NUP153: variants seen among roughly 807,000 people sequenced by gnomAD.
The protein encoded by NUP153 is nucleoporin 153, also known as nuclear pore complex protein Nup153.
A neutral mutation model predicts 134.6 loss-of-function variants in NUP153; 27 were observed. That is an observed-to-expected ratio of 0.20 (90% CI 0.15 to 0.28). The LOEUF is 0.28. NUP153 is among the 10% of genes least tolerant of loss of function. The probability of loss-of-function intolerance (pLI) is 1.00; values close to 1 mark genes in which losing one functional copy is unlikely to be tolerated. For missense variants in NUP153, 1,821 were observed against 1,731.3 expected (o/e 1.05, Z -0.92); for synonymous variants, 640 against 623.5 (o/e 1.03, Z -0.40).
intron 2 of NUP153, among the ~76,000 whole-genome samples, chr6:17,676,049 C>A (rs1405975115): frequency 2.0e-5 from 3 of 152,034 alleles, no homozygotes; most frequent in Non-Finnish European, 4.4e-5. Flanking sequence ...TTGATTAAAC[C>A]CATTCACTTT....
At position 17,689,425 on chromosome 6, in the gene NUP153, AC is replaced by A. The variant is rs533152071; in HGVS notation, c.112-808del. ...AAAACAAATAAACAAACAAAAAAAA[AC>A]AATCCAACAAAAATAAACTCAAGAA... On this transcript the variant is annotated intron_variant, in intron 1 of 21. Coordinates refer to ENST00000262077, the MANE Select transcript of NUP153 (RefSeq NM_005124.4). Among the ~76,000 whole-genome samples, 77 of 151,972 alleles carry A rather than the reference AC, an allele frequency of 5.1e-4. No homozygotes were observed. The South Asian group carries it at 9.4e-3, about 18-fold the overall frequency.
At chr6:17,687,664 C>A (rs1769016184) in intron 2 of NUP153, among the ~76,000 whole-genome samples, 1 of 151,972 alleles carries the variant, frequency 6.6e-6, no homozygotes, top group Admixed American at 6.6e-5. Flanking sequence ...GGCATACAAC[C>A]AAATCAATTA....
chr6:17,638,532 G>C lies in NUP153; in HGVS notation c.1847-762C>G, dbSNP rs998948977. The stretch of plus-strand genomic sequence containing the variant: ...CTTAAGGACAAAATACCACATGCTT[G>C]AGTTATTCCCAGTGGGCAACGTGTT... On this transcript the variant is annotated intron_variant, in intron 15 of 21. Coordinates refer to ENST00000262077, the MANE Select transcript of NUP153 (RefSeq NM_005124.4). This position sits in a 1 kb window ranked among gnomAD's most constrained non-coding sequence, Gnocchi z 4.0. Among the ~76,000 whole-genome samples, 2 of 152,204 alleles carry C rather than the reference G, an allele frequency of 1.3e-5. No individual in the cohort carries two copies. Among genetic ancestry groups the C allele is most frequent in the African/African-American group, 2.4e-5 (1 of 41,460 alleles).
chr6:17,628,936 T>G lies in NUP153; in HGVS notation c.3263A>C (p.Glu1088Ala). Reference sequence around the variant, plus strand: ...TGAGGCAGATGGCAGAGAGGCAGGCTCCACGTTGCCAAAAGAGAATCCTCC... The same window carrying G: ...TGAGGCAGATGGCAGAGAGGCAGGCGCCACGTTGCCAAAAGAGAATCCTCC... ...TKGGFSFGNV[E>A]PASLPSASVF... Residue 1088 changes from glutamate to alanine, a missense_variant, in exon 18 of 22, where the codon GAG becomes GCG. Physicochemically the swap from Glu to Ala is moderately radical, Grantham distance 107. Transcript: ENST00000262077. The surrounding 1 kb of genome is among the most constrained non-coding windows in gnomAD (Gnocchi z 5.4). The G allele has an allele frequency of 1.9e-6, 3 of 1,614,196 alleles. No individual in the cohort carries two copies. The highest frequency in any genetic ancestry group is 1.6e-4 in the Middle Eastern group (1 of 6,062).
intron 8 of NUP153, 116 bp from the exon 9 acceptor site, chr6:17,665,501 T>G (rs1237247906): frequency 1.4e-6 from 1 of 727,364 alleles, no homozygotes; most frequent in Non-Finnish European, 2.2e-6. Flanking sequence ...CAGAGAAATA[T>G]ACAGTAGATA....
Position 17,706,671 on chromosome 6 carries a change from T to C in NUP153, c.-284A>G. ...GCCTCTGTGTGTGTCACGGTCTCTA[T>C]GGAGATCTCCCGCAGAGGACAGCAC... On this transcript the variant is annotated 5_prime_UTR_variant, in exon 1 of 22. Coordinates refer to ENST00000262077, the MANE Select transcript of NUP153 (RefSeq NM_005124.4). The surrounding 1 kb of genome is among the most constrained non-coding windows in gnomAD (Gnocchi z 5.9). 4.0e-6 allele frequency: 2 copies of C among 500,314 alleles called. No individual in the cohort carries two copies. Among genetic ancestry groups the C allele is most frequent in the South Asian group, 2.2e-5 (1 of 45,512 alleles). 31.0% of individuals were successfully genotyped at this position (500,314 alleles called of 1,614,324 possible). A position where few individuals can be genotyped will look rare whatever the true frequency, so the allele number is the denominator to read the frequency against.
intron 1 of NUP153, among the ~76,000 whole-genome samples, chr6:17,705,936 G>A (rs1210681662): frequency 6.6e-6 from 1 of 152,130 alleles, no homozygotes; most frequent in Non-Finnish European, 1.5e-5. Flanking sequence ...GAGAACATGA[G>A]TAATACCCTC....
At chr6:17,700,385 G>A (rs1398469079) in intron 1 of NUP153, among the ~76,000 whole-genome samples, 2 of 152,162 alleles carry the variant, frequency 1.3e-5, no homozygotes, top group African/African-American at 4.8e-5. Flanking sequence ...AGTCCAGGCA[G>A]AACAGGGATC....
chr6:17,654,588 G>C (rs528655968), intron 11 of NUP153, among the ~76,000 whole-genome samples: 1 of 152,182 alleles, frequency 6.6e-6, no homozygotes, highest in South Asian at 2.1e-4. Context: ...CGAAAGTGCT[G>C]CGATTACAGG....
Position 17,632,787 on chromosome 6 carries a change from C to T in NUP153, c.2522G>A (p.Gly841Asp). 1 of 1,611,842 alleles carries T rather than the reference C, an allele frequency of 6.2e-7. No homozygotes were observed. The highest frequency in any genetic ancestry group is 8.5e-7 in the Non-Finnish European group (1 of 1,179,666). The change falls in exon 17 of 22, where the codon GGC becomes GAC. Residue 841 changes from glycine to aspartate, a missense_variant. Coordinates refer to ENST00000262077, the MANE Select transcript of NUP153 (RefSeq NM_005124.4). ...CTTGAACTTTTCCAATCCTAGAGAG[C>T]CTCCAGAAGGCAGAGAGACAGGTAC... ...STVPVSLPSGGSLGLEKFKKP... is the reference protein window; with the variant it reads ...STVPVSLPSGDSLGLEKFKKP...
intron 1 of NUP153, among the ~76,000 whole-genome samples, chr6:17,692,137 T>C (rs1769317525): frequency 6.6e-6 from 1 of 152,186 alleles, no homozygotes; most frequent in Non-Finnish European, 1.5e-5. Flanking sequence ...TGTGGCAACA[T>C]TAGGTATCTT....
At chr6:17,663,258 CACATAT>C (rs1005759201) in intron 9 of NUP153, among the ~76,000 whole-genome samples, 19 of 129,648 alleles carry the variant, frequency 1.5e-4, no homozygotes, top group Middle Eastern at 7.5e-3. Flanking sequence ...CACACACACA[CACATAT>C]ATATATATAT....
At chr6:17,682,819 G>A (rs1481081914) in intron 2 of NUP153, among the ~76,000 whole-genome samples, 3 of 151,794 alleles carry the variant, frequency 2.0e-5, no homozygotes, top group Non-Finnish European at 2.9e-5. Flanking sequence ...TCGGGAGACC[G>A]AGGCAGGAGA....
chr6:17,681,057 A>G (rs1045087654), intron 2 of NUP153, among the ~76,000 whole-genome samples: 1 of 151,590 alleles, frequency 6.6e-6, no homozygotes, highest in Non-Finnish European at 1.5e-5. Context: ...AAACTGTGCT[A>G]CATATACACA....
chr6:17,639,765 T>C (rs1488004606), intron 15 of NUP153, among the ~76,000 whole-genome samples, 174 bp downstream of exon 15: 6 of 152,250 alleles, frequency 3.9e-5, no homozygotes, highest in Non-Finnish European at 8.8e-5. Flanking sequence ...ATAGAGTCCT[T>C]TGGCTTGTAA....
Position 17,628,879 on chromosome 6 carries a change from T to C in NUP153, c.3320A>G (p.Gln1107Arg), listed in dbSNP as rs768294403. The C allele has an allele frequency of 6.2e-7, 1 of 1,614,126 alleles. No homozygotes were observed. Among genetic ancestry groups the C allele is most frequent in the Non-Finnish European group, 8.5e-7 (1 of 1,180,038 alleles). ...GGAAGTAGAAGTGACAGGCTCTTGC[T>C]GTTTCTCTTCTGTCCTTCCCAAAAC... ...VFVLGRTEEK[Q>R]QEPVTSTSLV... is the part of the protein sequence containing the mutation. Residue 1107 changes from glutamine (Q) to arginine (R), a missense_variant, in exon 18 of 22, where the codon CAG (glutamine) becomes CGG (arginine). Coordinates refer to ENST00000262077, the MANE Select transcript of NUP153 (RefSeq NM_005124.4). This position sits in a 1 kb window ranked among gnomAD's most constrained non-coding sequence, Gnocchi z 5.4.
intron 1 of NUP153, among the ~76,000 whole-genome samples, 193 bp from the exon 2 acceptor site, chr6:17,688,811 T>C (rs955086332): frequency 5.3e-5 from 8 of 152,288 alleles, no homozygotes; most frequent in Admixed American, 5.2e-4. Flanking sequence ...CTTTCTTCTA[T>C]ATGCATACAT....
At chr6:17,681,722 G>A (rs758677495) in intron 2 of NUP153, among the ~76,000 whole-genome samples, 37 of 152,206 alleles carry the variant, frequency 2.4e-4, no homozygotes, top group Admixed American at 1.0e-3. Context: ...CACATAGGTT[G>A]AAATGTTTCC....
chr6:17,646,168 G>A lies in NUP153; in HGVS notation c.1633-14C>T. ...TGTAAATCCAATCTGTAAAGAGAAA[G>A]AATATCCTTATACTTCGTTTTCAAT... On this transcript the variant is annotated splice_polypyrimidine_tract_variant and intron_variant, in intron 13 of 21. Transcript: ENST00000262077. The A allele has an allele frequency of 1.4e-6, 2 of 1,407,212 alleles. No homozygotes were observed. The highest frequency in any genetic ancestry group is 1.4e-5 in the African/African-American group (1 of 70,658). 87.2% of individuals were successfully genotyped at this position (1,407,212 alleles called of 1,614,324 possible).
Sources: allele counts gnomAD v4.1 joint callset (sites outside exome capture counted in the v4.1 genomes callset), GRCh38; gene constraint gnomAD v4.1.1; non-coding constraint Gnocchi (gnomAD v3.1); transcripts MANE v1.5; gene names NCBI Gene and HGNC (gene_info 2026-07-23, HGNC 2026-07-21).